Variants in SLC6A6 observed in about 807,000 individuals in gnomAD.
The protein encoded by SLC6A6 is sodium- and chloride-dependent taurine transporter.
SLC6A6 carries 16 observed loss-of-function variants against 68.8 expected under a neutral mutation model. The observed-to-expected ratio is 0.23, with a 90% CI of 0.16 to 0.35. SLC6A6 has a LOEUF of 0.35. Among genes scored for constraint, SLC6A6 ranks in the 10% least tolerant of loss-of-function variants. SLC6A6 has a pLI of 1.00. For synonymous variants in SLC6A6, 312 were observed against 315.4 expected, an observed-to-expected ratio of 0.99 and a Z score of 0.12; for missense variants, 474 against 802.8, an observed-to-expected ratio of 0.59 and a Z score of 4.95.
At chr3:14,417,540 G>A (rs774544897) in intron 2 of SLC6A6, among the ~76,000 whole-genome samples, 2 of 152,082 alleles carry the variant, frequency 1.3e-5, no homozygotes, top group Non-Finnish European at 2.9e-5. Context: ...GACCATCCTG[G>A]CTAACACGGT....
chr3:14,404,904 C>G (rs1237601507), intron 1 of SLC6A6, among the ~76,000 whole-genome samples: 1 of 152,240 alleles, frequency 6.6e-6, no homozygotes, highest in Admixed American at 6.5e-5. Context: ...CAATCATCCT[C>G]CCCTGCCTCC....
chr3:14,406,930 TG>T (rs1699122847), intron 1 of SLC6A6, among the ~76,000 whole-genome samples: 2 of 152,226 alleles, frequency 1.3e-5, no homozygotes, highest in Admixed American at 1.3e-4. Context: ...GTATCAGAAT[TG>T]CCTGGGATAC....
intron 9 of SLC6A6, among the ~76,000 whole-genome samples, chr3:14,469,828 C>T (rs931377643): frequency 3.3e-5 from 5 of 152,120 alleles, no homozygotes; most frequent in African/African-American, 1.2e-4. Context: ...CTGCAGGACC[C>T]CCTTGGCAAA....
chr3:14,472,141 TC>T lies in SLC6A6; in HGVS notation c.1097-61del. The T allele has an allele frequency of 1.0e-6, 1 of 972,494 alleles. No individual in the cohort carries two copies. Among genetic ancestry groups the T allele is most frequent in the Non-Finnish European group, 1.7e-6 (1 of 601,020 alleles). 60.2% of individuals were successfully genotyped at this position (972,494 alleles called of 1,614,324 possible). ...GAGTGTCTTTGTGTGAGCCCAGGGT[TC>T]CCAGTGGCTTGGTGGCTGATGTCTC... On this transcript the variant is annotated intron_variant, in intron 9 of 14. Transcript: ENST00000622186. This position sits in a 1 kb window ranked among gnomAD's most constrained non-coding sequence, Gnocchi z 4.5.
chr3:14,477,274 C>T lies in SLC6A6; in HGVS notation c.1279C>T (p.Arg427Cys). The T allele has an allele frequency of 2.5e-6, 4 of 1,613,628 alleles. No individual in the cohort carries two copies. Among genetic ancestry groups the T allele is most frequent in the Non-Finnish European group, 3.4e-6 (4 of 1,179,530 alleles). The change falls in exon 11 of 15, where the codon CGT becomes TGT. Residue 427 changes from arginine to cysteine, a missense_variant. By Grantham distance (180) the Arg-to-Cys change is radical. Around this residue, in one of 2 missense-constraint regions of SLC6A6, gnomAD observed 194 missense variants for 269.8 expected, o/e 0.72. Transcript: ENST00000622186. This position sits in a 1 kb window ranked among gnomAD's most constrained non-coding sequence, Gnocchi z 4.2. The part of the protein sequence containing the change: ...LYPSFLRKGY[R>C]REIFIAFVCS... ...CCCATCCTTCCTAAGGAAGGGTTATCGTCGGGAAATCTTCATCGCCTTCGT... is the reference window on the plus strand; with the variant it reads ...CCCATCCTTCCTAAGGAAGGGTTATTGTCGGGAAATCTTCATCGCCTTCGT...
intron 10 of SLC6A6, among the ~76,000 whole-genome samples, chr3:14,476,674 A>G (rs1482426824): frequency 1.3e-5 from 2 of 152,248 alleles, no homozygotes; most frequent in East Asian, 3.9e-4. Flanking sequence ...AGTTGGTGCT[A>G]AGGTCCACCC....
At chr3:14,421,580 C>T (rs143299783) in intron 2 of SLC6A6, among the ~76,000 whole-genome samples, 1 of 152,202 alleles carries the variant, frequency 6.6e-6, no homozygotes, top group Non-Finnish European at 1.5e-5. Context: ...CGTTATTGCT[C>T]GTAGTATTGT....
chr3:14,445,489 AG>A (rs1414940639), intron 3 of SLC6A6, among the ~76,000 whole-genome samples: 1 of 152,078 alleles, frequency 6.6e-6, no homozygotes. Context: ...TGAGGCTTGA[AG>A]TCCCTGGTAG....
At chr3:14,410,907 G>C (rs528400769) in intron 1 of SLC6A6, 1 of 152,444 alleles carries the variant, frequency 6.6e-6, no homozygotes, top group Non-Finnish European at 1.5e-5. Context: ...GGTGCCGGAA[G>C]GGGGAGGTCC....
intron 1 of SLC6A6, among the ~76,000 whole-genome samples, chr3:14,416,041 C>CT (rs1369250309): frequency 6.6e-6 from 1 of 151,786 alleles, no homozygotes; most frequent in Admixed American, 6.5e-5. Context: ...TTGCTGCTGA[C>CT]TAAGTTTTGG....
chr3:14,443,532 G>A (rs745534007), intron 2 of SLC6A6, 92 bp from the exon 3 acceptor site: 7 of 903,918 alleles, frequency 7.7e-6, no homozygotes, highest in Non-Finnish European at 1.2e-5. Flanking sequence ...GCAGGTGGGA[G>A]CCGGCTCGTG....
chr3:14,481,396 C>G lies in SLC6A6; in HGVS notation c.1552-275C>G, dbSNP rs780056294. On this transcript the variant is annotated intron_variant, in intron 13 of 14. Coordinates refer to ENST00000622186, the MANE Select transcript of SLC6A6 (RefSeq NM_003043.6). The surrounding 1 kb of genome is among the most constrained non-coding windows in gnomAD (Gnocchi z 4.7). ...GAGGCAGATGAGGGAGGAAGGGGTA[C>G]AGCTTCTGCTGACACTCCCGGCTGC... 6.6e-6 allele frequency among the ~76,000 whole-genome samples: 1 copy of G among 152,098 alleles called. No homozygotes were observed.
intron 2 of SLC6A6, among the ~76,000 whole-genome samples, chr3:14,429,885 A>G (rs1184722584): frequency 6.6e-6 from 1 of 152,146 alleles, no homozygotes; most frequent in Non-Finnish European, 1.5e-5. Context: ...CCCAAGGAGA[A>G]CTTTGAACTT....
chr3:14,478,060 A>G (rs1471633647), intron 11 of SLC6A6, among the ~76,000 whole-genome samples: 1 of 151,848 alleles, frequency 6.6e-6, no homozygotes, highest in African/African-American at 2.4e-5. Flanking sequence ...CGAAAACCCA[A>G]TTCAGGGCTT....
intron 2 of SLC6A6, among the ~76,000 whole-genome samples, chr3:14,434,925 C>T (rs1699816453): frequency 6.6e-6 from 1 of 152,174 alleles, no homozygotes; most frequent in Non-Finnish European, 1.5e-5. Context: ...GGACCCAGTC[C>T]CCAGACCTTA....
chr3:14,418,083 T>C (rs1029352531), intron 2 of SLC6A6, among the ~76,000 whole-genome samples: 2 of 152,346 alleles, frequency 1.3e-5, no homozygotes, highest in South Asian at 2.1e-4. Context: ...AACCCTGAAA[T>C]TGAAGTTTCT....
chr3:14,431,466 G>C (rs547343504), intron 2 of SLC6A6, among the ~76,000 whole-genome samples: 1 of 152,330 alleles, frequency 6.6e-6, no homozygotes, highest in South Asian at 2.1e-4. Context: ...TGTCCTGGAG[G>C]CTGTCCCATC....
chr3:14,404,558 A>C (rs1010955564), intron 1 of SLC6A6, among the ~76,000 whole-genome samples: 2 of 152,216 alleles, frequency 1.3e-5, no homozygotes, highest in Non-Finnish European at 2.9e-5. Context: ...ACCAGGGACC[A>C]GAGGTAGGAG....
intron 2 of SLC6A6, among the ~76,000 whole-genome samples, chr3:14,439,863 C>T (rs187968498): frequency 2.6e-5 from 4 of 152,206 alleles, no homozygotes; most frequent in Admixed American, 1.3e-4. Flanking sequence ...CAGACTGAGC[C>T]GCAGAGGGAC....
Sources: allele counts gnomAD v4.1 joint callset (sites outside exome capture counted in the v4.1 genomes callset), GRCh38; gene constraint gnomAD v4.1.1; regional missense constraint gnomAD v4.1.1; non-coding constraint Gnocchi (gnomAD v3.1); transcripts MANE v1.5; gene names NCBI Gene and HGNC (gene_info 2026-07-23, HGNC 2026-07-21).